Variants in BDH1 observed in about 807,000 individuals in gnomAD.
BDH1 encodes D-beta-hydroxybutyrate dehydrogenase, mitochondrial.
BDH1 carries 30 observed loss-of-function variants against 33.1 expected under a neutral mutation model. That is an observed-to-expected ratio of 0.91 (90% confidence interval 0.68 to 1.23). BDH1 has a LOEUF of 1.23. Ranked by LOEUF, BDH1 falls within the 50% of genes most tolerant of loss-of-function variation. BDH1 has a pLI of 0.00. For synonymous variants in BDH1, 190 were observed against 183.6 expected (o/e 1.03, Z -0.28); for missense variants, 443 against 464.4 (o/e 0.95, Z 0.42).
intron 1 of BDH1, among the ~76,000 whole-genome samples, chr3:197,569,573 C>G (rs1274525725): frequency 2.0e-5 from 3 of 152,124 alleles, no homozygotes; most frequent in Non-Finnish European, 4.4e-5. Flanking sequence ...TTCCCCCATA[C>G]TTTTCTCGTG....
Position 197,522,966 on chromosome 3 carries a change from C to A in BDH1, c.268-185G>T. 1 of 611,558 alleles carries A rather than the reference C, an allele frequency of 1.6e-6. No homozygotes were observed. The highest frequency in any genetic ancestry group is 3.1e-5 in the Admixed American group (1 of 31,866). The allele number at this position is 611,558 out of a possible 1,614,324, so 37.9% of individuals were successfully genotyped here. On this transcript the variant is annotated intron_variant, in intron 5 of 7. Coordinates refer to ENST00000392379, the MANE Select transcript of BDH1 (RefSeq NM_203314.3). The surrounding 1 kb of genome is among the most constrained non-coding windows in gnomAD (Gnocchi z 4.8). ...TTAATCCTGAGCACTGATGACCTAT[C>A]AAGCATCAAGCTATGTGCCACAGAC... is the stretch of plus-strand genomic sequence containing the variant.
rs1232217834 is a variant in BDH1, at chr3:197,554,952, C to CA, written c.-195-240dup. ...CAGCCAATCCCAGAGCAGCGCTCCC[C>CA]AACGGCCGGCCGGAGGGCGGGGAGA... On this transcript the variant is annotated intron_variant, in intron 1 of 7. Coordinates refer to ENST00000392379, the MANE Select transcript of BDH1 (RefSeq NM_203314.3). This position sits in a 1 kb window ranked among gnomAD's most constrained non-coding sequence, Gnocchi z 4.4. Among the ~76,000 whole-genome samples, 1 of 152,262 alleles carries CA rather than the reference C, an allele frequency of 6.6e-6. No individual in the cohort carries two copies. The highest frequency in any genetic ancestry group is 1.5e-5 in the Non-Finnish European group (1 of 68,048).
rs191130289 is a variant in BDH1, at chr3:197,536,955, A to C, written c.84-3394T>G. On this transcript the variant is annotated intron_variant, in intron 3 of 7. Transcript: ENST00000392379. ...TTTCTCTCTTTTTTTGAGCAACTAC[A>C]AATGGTATTGTTTTGTTTTGTTTTA... Among the ~76,000 whole-genome samples the C allele has an allele frequency of 1.3e-3, 205 of 152,324 alleles. 3 individuals carry two copies. In the Middle Eastern group the frequency reaches 0.065, roughly 48 times the overall value.
chr3:197,567,998 T>C (rs748806307), intron 1 of BDH1, among the ~76,000 whole-genome samples: 17 of 152,168 alleles, frequency 1.1e-4, no homozygotes, highest in Non-Finnish European at 2.2e-4. Flanking sequence ...TCTCCTCCAA[T>C]ACCAGCTGAA....
intron 3 of BDH1, among the ~76,000 whole-genome samples, chr3:197,541,545 T>G (rs189949684): frequency 1.4e-3 from 211 of 152,284 alleles, no homozygotes; most frequent in Non-Finnish European, 6.5e-4. Flanking sequence ...GAAACAAGAT[T>G]GGCCATGTGC....
In BDH1 at chr3:197,514,162, G is replaced by C. The variant is rs553550329; in HGVS notation, c.562+102C>G. On this transcript the variant is annotated intron_variant, in intron 7 of 7. Transcript: ENST00000392379. The surrounding 1 kb of genome is among the most constrained non-coding windows in gnomAD (Gnocchi z 4.2). ...GGATTCACGAGCTCACCTCTGCTGA[G>C]TTGTGGACATTGGAGCTGCTGGGAC... The C allele has an allele frequency of 6.9e-7, 1 of 1,443,324 alleles. No individual in the cohort carries two copies. The highest frequency in any genetic ancestry group is 9.3e-7 in the Non-Finnish European group (1 of 1,072,646). 89.4% of individuals were successfully genotyped at this position (1,443,324 alleles called of 1,614,324 possible). A position where few individuals can be genotyped will look rare whatever the true frequency, so the allele number is the denominator to read the frequency against.
chr3:197,539,645 C>T (rs116116929), intron 3 of BDH1, among the ~76,000 whole-genome samples: 2,962 of 152,342 alleles, frequency 0.019, 95 homozygotes, highest in African/African-American at 0.067. Flanking sequence ...GGATACTTTG[C>T]AGACCCTGCA....
rs1298959416 is a variant in BDH1 at position 197,555,882 on chromosome 3, A to AGG, written c.-299_-298dup. 3.3e-5 allele frequency: 5 copies of AGG among 152,186 alleles called. No individual in the cohort carries two copies. The East Asian group carries it at 7.8e-4, about 24-fold the overall frequency. The allele number at this position is 152,186 out of a possible 1,614,324, so 9.4% of individuals were successfully genotyped here. A position where few individuals can be genotyped will look rare whatever the true frequency, so the allele number is the denominator to read the frequency against. ...GCCCGCTCTCCTGCGGGGAGAGCCG[A>AGG]GGGGGGGCGCTGCCGCAGGGTCTTT... On this transcript the variant is annotated 5_prime_UTR_variant, in exon 1 of 8. Transcript: ENST00000392379.
chr3:197,564,526 A>G (rs1237918713), intron 1 of BDH1, among the ~76,000 whole-genome samples: 2 of 152,156 alleles, frequency 1.3e-5, no homozygotes, highest in Non-Finnish European at 2.9e-5. Flanking sequence ...AAGTTTAAAC[A>G]CTGACAGCAA....
chr3:197,557,580 C>A (rs533077317), upstream of BDH1, among the ~76,000 whole-genome samples: 1 of 152,108 alleles, frequency 6.6e-6, no homozygotes, highest in Non-Finnish European at 1.5e-5. The surrounding 1 kb of genome is among the most constrained non-coding windows in gnomAD (Gnocchi z 4.6). Flanking sequence ...CCCTGCCCTT[C>A]GTAGTGGATG....
chr3:197,534,278 A>G (rs1487065375), intron 3 of BDH1: 1 of 152,154 alleles, frequency 6.6e-6, no homozygotes, highest in Non-Finnish European at 1.5e-5. Flanking sequence ...TCTGTTCCCC[A>G]TCTCTGTAAT....
chr3:197,532,220 T>C (rs1307281894), intron 5 of BDH1, among the ~76,000 whole-genome samples, 192 bp downstream of exon 5: 2 of 151,974 alleles, frequency 1.3e-5, no homozygotes, highest in African/African-American at 4.8e-5. Context: ...GATGAGAGGA[T>C]GGATGGATGG....
intron 3 of BDH1, among the ~76,000 whole-genome samples, chr3:197,534,987 G>C (rs1016241774): frequency 6.6e-6 from 1 of 152,166 alleles, no homozygotes; most frequent in African/African-American, 2.4e-5. Context: ...CCAGCAGACT[G>C]TGTTTGGTGA....
chr3:197,519,802 C>T (rs1713327193), intron 6 of BDH1, among the ~76,000 whole-genome samples: 1 of 152,170 alleles, frequency 6.6e-6, no homozygotes, highest in Admixed American at 6.5e-5. Context: ...GGGCTGGTCC[C>T]AGGCTCCAGA....
In BDH1 at chr3:197,522,769, C is replaced by G; in HGVS notation, c.280G>C (p.Asp94His). The G allele has an allele frequency of 6.2e-7, 1 of 1,614,044 alleles. No individual in the cohort carries two copies. The highest frequency in any genetic ancestry group is 1.1e-5 in the South Asian group (1 of 91,044). The change falls in exon 6 of 8, where the codon GAT becomes CAT. Residue 94 changes from aspartate (D) to histidine (H), a missense_variant. By Grantham distance (81) the Asp-to-His change is moderately conservative (BLOSUM62 -1). Coordinates refer to ENST00000392379, the MANE Select transcript of BDH1 (RefSeq NM_203314.3). The surrounding 1 kb of genome is among the most constrained non-coding windows in gnomAD (Gnocchi z 4.8). ...AGCLMKDKGH[D>H]GVKELDSLNS... ...AGGCTGTCCAGCTCCTTGACCCCAT[C>G]ATGGCCTTTGTCCTGGGGAGGAGAG...
At chr3:197,561,342 C>G (rs1717254313) in intron 1 of BDH1, among the ~76,000 whole-genome samples, 1 of 152,132 alleles carries the variant, frequency 6.6e-6, no homozygotes, top group Admixed American at 6.5e-5. Context: ...ACAACTCCCC[C>G]CCACCTTTTT....
Position 197,512,294 on chromosome 3 carries a change from G to C in BDH1, c.633C>G (p.Thr211=), listed in dbSNP as rs917233468. Residue 211 remains threonine (T), a synonymous_variant, in exon 8 of 8, where the codon ACC becomes ACG. Transcript: ENST00000392379. ...CCGAGAAAGCCTCTACCCCGAACTT[G>C]GTGATGCAGTACGGGGAGCGGGCCG... is the stretch of plus-strand genomic sequence containing the variant. ...ANPARSPYCI[T]KFGVEAFSDC... 6.2e-7 allele frequency: 1 copy of C among 1,612,564 alleles called. No homozygotes were observed.
intron 3 of BDH1, among the ~76,000 whole-genome samples, chr3:197,540,076 C>A (rs1392567705): frequency 2.0e-5 from 3 of 151,914 alleles, no homozygotes; most frequent in Non-Finnish European, 4.4e-5. Flanking sequence ...TTTTAGACAG[C>A]GTCTCTCTCT....
intron 3 of BDH1, chr3:197,538,567 G>C (rs1715344910): frequency 3.0e-6 from 1 of 336,742 alleles, no homozygotes; most frequent in Non-Finnish European, 5.9e-6. Flanking sequence ...GGCCACACTG[G>C]TCTCGAACTC....
Sources: gnomAD v4.1 joint callset for allele counts (sites outside exome capture counted in the v4.1 genomes callset) on GRCh38, gnomAD v4.1.1 for gene constraint, Gnocchi (gnomAD v3.1) non-coding constraint, MANE v1.5 for transcripts, NCBI Gene and HGNC (gene_info 2026-07-23, HGNC 2026-07-21) for gene names.